ABCB4: variants seen among roughly 807,000 people sequenced by gnomAD.
ABCB4 encodes ATP binding cassette subfamily B member 4.
ABCB4 carries 76 observed loss-of-function variants against 145.7 expected under a neutral mutation model. That is an observed-to-expected ratio of 0.52 (90% CI 0.43 to 0.63). The LOEUF (loss-of-function observed/expected upper bound fraction) is 0.63, where lower values mean the gene tolerates loss of function less well. Among genes scored for constraint, ABCB4 ranks in the 30% least tolerant of loss-of-function variants. ABCB4 has a pLI of 0.00. For synonymous variants in ABCB4, 517 were observed against 566.8 expected, an observed-to-expected ratio of 0.91 and a Z score of 1.25; for missense variants, 1,234 against 1,553.1, an observed-to-expected ratio of 0.79 and a Z score of 3.45.
intron 12 of ABCB4, among the ~76,000 whole-genome samples, chr7:87,442,323 G>A (rs45579433): frequency 0.11 from 17,328 of 151,958 alleles, 1,299 homozygotes; most frequent in African/African-American, 0.21. Flanking sequence ...AGAAAATTAT[G>A]TATTAATTCT....
At position 87,431,379 on chromosome 7, in the gene ABCB4, G is replaced by A. The variant is rs748307604; in HGVS notation, c.1893+25C>T. 41 of 1,613,746 alleles carry A rather than the reference G, an allele frequency of 2.5e-5. 1 individual carries two copies. In the South Asian group the frequency reaches 4.5e-4, roughly 18 times the overall value. On this transcript the variant is annotated intron_variant, in intron 15 of 27. Coordinates refer to ENST00000649586, the MANE Select transcript of ABCB4 (RefSeq NM_000443.4). ...ACACTATATTGAGGAGCAAATAGCA[G>A]AAAAAATTCCTGAAAAGCAAGTACC... is the stretch of plus-strand genomic sequence containing the variant.
upstream of ABCB4, chr7:87,475,727 C>T: frequency 2.5e-6 from 1 of 396,432 alleles, no homozygotes; most frequent in East Asian, 4.9e-5. Flanking sequence ...CGCCCCCGCC[C>T]CCGCCCCCGC....
rs757931203 is a variant in ABCB4, at chr7:87,406,448, C to T, written c.3326G>A (p.Arg1109Lys). ...CTGAGACACGATTCCGAGTTGAGCTCTGAGCCACTGGACATTGAGTTTCTT... is the reference window on the plus strand; with the variant it reads ...CTGAGACACGATTCCGAGTTGAGCTTTGAGCCACTGGACATTGAGTTTCTT... ...EAKKLNVQWL[R>K]AQLGIVSQEP... The change falls in exon 26 of 28, where the codon AGA becomes AAA. Residue 1109 changes from arginine (R) to lysine (K), a missense_variant. Physicochemically the swap from Arg to Lys is conservative, Grantham distance 26. This residue lies in a region of ABCB4 where 301 missense variants were observed against 389.0 expected (regional missense o/e 0.77). Coordinates refer to ENST00000649586, the MANE Select transcript of ABCB4 (RefSeq NM_000443.4). 4 of 1,613,818 alleles carry T rather than the reference C, an allele frequency of 2.5e-6. No individual in the cohort carries two copies. The Admixed American group carries it at 5.0e-5, about 20-fold the overall frequency.
chr7:87,449,985 C>T lies in ABCB4; in HGVS notation c.816G>A (p.Gln272=), dbSNP rs1811600830. 2 of 1,614,064 alleles carry T rather than the reference C, an allele frequency of 1.2e-6. No individual in the cohort carries two copies. Residue 272 remains glutamine, a synonymous_variant, in exon 8 of 28, where the codon CAG becomes CAA. Transcript: ENST00000649586. ...AIRTVIAFGG[Q]NKELERYQKH... is the part of the protein sequence containing the mutation. ...TTCCTGACCTTTCCAGCTCTTTGTT[C>T]TGGCCCCCGAAAGCTATCACAGTCC...
Position 87,415,706 on chromosome 7 carries a change from G to A in ABCB4, c.2682+1606C>T, listed in dbSNP as rs112539202. 5.9e-5 allele frequency among the ~76,000 whole-genome samples: 9 copies of A among 152,306 alleles called. 1 individual carries two copies. Among genetic ancestry groups the A allele is most frequent in the African/African-American group, 1.9e-4 (8 of 41,572 alleles). On this transcript the variant is annotated intron_variant, in intron 21 of 27. Transcript: ENST00000649586. ...GGGATCTTCTCCAGCCTCACACACTGTGAATAGCAAGACCAAAGCTAATAA... is the reference window on the plus strand; with the variant it reads ...GGGATCTTCTCCAGCCTCACACACTATGAATAGCAAGACCAAAGCTAATAA...
intron 7 of ABCB4, among the ~76,000 whole-genome samples, chr7:87,451,395 C>A (rs1811721994): frequency 6.6e-6 from 1 of 152,114 alleles, no homozygotes; most frequent in African/African-American, 2.4e-5. Flanking sequence ...CTTGGCCTCC[C>A]AAAGTGCTGG....
Position 87,446,450 on chromosome 7 carries a change from C to T in ABCB4, c.1005+584G>A, listed in dbSNP as rs45500697. ...AGAAAATGACCTGGAAGATATATGC[C>T]AAAAATTATCATCAAGAGAATATAA... On this transcript the variant is annotated intron_variant, in intron 9 of 27. Transcript: ENST00000649586. 9.1e-3 allele frequency among the ~76,000 whole-genome samples: 1,378 copies of T among 151,878 alleles called. 12 individuals are homozygous for T. The highest frequency in any genetic ancestry group is 0.012 in the South Asian group (57 of 4,802).
At chr7:87,460,595 C>A (rs541143695) in intron 4 of ABCB4, among the ~76,000 whole-genome samples, 15 of 152,042 alleles carry the variant, frequency 9.9e-5, no homozygotes, top group African/African-American at 3.6e-4. Flanking sequence ...CCAGCTGTAT[C>A]CATGTTGCTG....
chr7:87,385,884 T>A, the ABCB4 span, among the ~76,000 whole-genome samples: 1 of 152,228 alleles, frequency 6.6e-6, no homozygotes, highest in East Asian at 1.9e-4. Flanking sequence ...ATTTTTTTTA[T>A]CATGAAGGTA....
At chr7:87,468,324 C>T (rs1433709770) in intron 3 of ABCB4, among the ~76,000 whole-genome samples, 1 of 152,170 alleles carries the variant, frequency 6.6e-6, no homozygotes, top group East Asian at 1.9e-4. Flanking sequence ...TCAACACATA[C>T]ACCCTCCCAA....
At chr7:87,400,251 C>T (rs1306807231), downstream of ABCB4, among the ~76,000 whole-genome samples, 1 of 152,132 alleles carries the variant, frequency 6.6e-6, no homozygotes, top group Non-Finnish European at 1.5e-5. Context: ...GAGAAAGTCA[C>T]TTTGTAAAAG....
chr7:87,378,041 AT>A, the ABCB4 span, among the ~76,000 whole-genome samples: 2 of 152,038 alleles, frequency 1.3e-5, no homozygotes. Flanking sequence ...AACCAAGAAA[AT>A]TTTTTATAAA....
intron 4 of ABCB4, among the ~76,000 whole-genome samples, chr7:87,461,665 T>C (rs547570594): frequency 2.0e-5 from 3 of 152,276 alleles, no homozygotes; most frequent in South Asian, 4.1e-4. Flanking sequence ...TACTTGAGAA[T>C]AAATAAATAA....
chr7:87,371,836 A>T, the ABCB4 span, among the ~76,000 whole-genome samples: 3 of 152,006 alleles, frequency 2.0e-5, no homozygotes, highest in East Asian at 1.9e-4. Flanking sequence ...ATAAAAAGTT[A>T]AAAAATTAGC....
chr7:87,452,178 G>A (rs1437067403), intron 6 of ABCB4, among the ~76,000 whole-genome samples: 4 of 152,090 alleles, frequency 2.6e-5, no homozygotes, highest in African/African-American at 9.7e-5. Flanking sequence ...ATAGGGAAGA[G>A]ATCTTTGCTT....
chr7:87,401,042 A>G (rs1254856300), downstream of ABCB4, among the ~76,000 whole-genome samples: 1 of 152,210 alleles, frequency 6.6e-6, no homozygotes, highest in African/African-American at 2.4e-5. Flanking sequence ...CTGATCAGGC[A>G]AGTTTGGGTA....
In ABCB4 at chr7:87,423,886, T is replaced by A. The variant is rs374010463; in HGVS notation, c.2211+20A>T. ...TGAATTGATCTAATTCAGGCTGTTATGTGGTGTTTGCAAACTTACCGCTAT... is the reference window on the plus strand; with the variant it reads ...TGAATTGATCTAATTCAGGCTGTTAAGTGGTGTTTGCAAACTTACCGCTAT... On this transcript the variant is annotated intron_variant, in intron 17 of 27. Coordinates refer to ENST00000649586, the MANE Select transcript of ABCB4 (RefSeq NM_000443.4). 1 of 1,613,996 alleles carries A rather than the reference T, an allele frequency of 6.2e-7. No homozygotes were observed. Among genetic ancestry groups the A allele is most frequent in the Non-Finnish European group, 8.5e-7 (1 of 1,179,892 alleles).
chr7:87,387,966 G>C, the ABCB4 span, among the ~76,000 whole-genome samples: 1 of 152,150 alleles, frequency 6.6e-6, no homozygotes, highest in African/African-American at 2.4e-5. Context: ...GAGTAGGACT[G>C]GAGCTGGGTT....
chr7:87,406,558 C>G, intron 25 of ABCB4, 64 bp from the exon 26 acceptor site: 1 of 1,561,258 alleles, frequency 6.4e-7, no homozygotes, highest in Non-Finnish European at 8.7e-7. Context: ...TAAAAAGTTA[C>G]TAGATTGTCC....
Sources: allele counts gnomAD v4.1 joint callset (sites outside exome capture counted in the v4.1 genomes callset), GRCh38; gene constraint gnomAD v4.1.1; regional missense constraint gnomAD v4.1.1; transcripts MANE v1.5; gene names NCBI Gene and HGNC (gene_info 2026-07-23, HGNC 2026-07-21).